NCKAP1L: variants seen among roughly 807,000 people sequenced by gnomAD.
NCKAP1L encodes nck-associated protein 1-like.
Under a neutral mutation model 139.2 loss-of-function variants are expected in NCKAP1L, and 53 were observed. That is an observed-to-expected ratio of 0.38 (90% CI 0.31 to 0.48). The LOEUF is 0.48. NCKAP1L is among the 20% of genes least tolerant of loss of function. The pLI, the probability that NCKAP1L is intolerant of heterozygous loss-of-function variation, is 0.98. For missense variants in NCKAP1L, 1,151 were observed against 1,381.9 expected (o/e 0.83, Z 2.65); for synonymous variants, 468 against 499.7 (o/e 0.94, Z 0.85).
intron 5 of NCKAP1L, among the ~76,000 whole-genome samples, chr12:54,509,290 C>T (rs1956867780): frequency 6.6e-6 from 1 of 152,158 alleles, no homozygotes; most frequent in South Asian, 2.1e-4. Context: ...GATACCTAGA[C>T]ACATGCCTTA....
Position 54,542,908 on chromosome 12 carries a change from A to G in NCKAP1L, c.*223A>G. Reference sequence around the variant, plus strand: ...AGCATGGAGGACAGCTTATGGAAAAAGTTAGGGCGTGGGGCCACATGTGTG... The same window carrying G: ...AGCATGGAGGACAGCTTATGGAAAAGGTTAGGGCGTGGGGCCACATGTGTG... On this transcript the variant is annotated 3_prime_UTR_variant, in exon 31 of 31. Coordinates refer to ENST00000293373, the MANE Select transcript of NCKAP1L (RefSeq NM_005337.5). 2.1e-6 allele frequency: 1 copy of G among 478,140 alleles called. No individual in the cohort carries two copies. The highest frequency in any genetic ancestry group is 3.7e-6 in the Non-Finnish European group (1 of 267,332). The allele number at this position is 478,140 out of a possible 1,614,324, so 29.6% of individuals were successfully genotyped here.
chr12:54,508,011 G>T, intron 4 of NCKAP1L, 102 bp downstream of exon 4: 1 of 1,005,178 alleles, frequency 9.9e-7, no homozygotes. Context: ...GGAAGGGACT[G>T]GAAGGATGGC....
At chr12:54,501,782 C>T (rs1052174056) in intron 3 of NCKAP1L, among the ~76,000 whole-genome samples, 3 of 152,116 alleles carry the variant, frequency 2.0e-5, no homozygotes, top group African/African-American at 7.2e-5. Flanking sequence ...TGGACTGTGC[C>T]GGCCTATTTT....
At position 54,544,040 on chromosome 12, in the gene NCKAP1L, A is replaced by C. The variant is rs1300168541; in HGVS notation, c.*1355A>C. ...ACATGTGTTTGCTTTTTATTTCTTGAGACCCAGGCTTAGTCAATACTTTCT... is the reference window on the plus strand; with the variant it reads ...ACATGTGTTTGCTTTTTATTTCTTGCGACCCAGGCTTAGTCAATACTTTCT... On this transcript the variant is annotated 3_prime_UTR_variant, in exon 31 of 31. Transcript: ENST00000293373. 3 of 152,206 alleles carry C rather than the reference A, an allele frequency of 2.0e-5. No homozygotes were observed. In the East Asian group the frequency reaches 5.8e-4, roughly 29 times the overall value. The allele number at this position is 152,206 out of a possible 1,614,324, so 9.4% of individuals were successfully genotyped here. A position where few individuals can be genotyped will look rare whatever the true frequency, so the allele number is the denominator to read the frequency against.
chr12:54,547,869 C>G lies in NCKAP1L; in HGVS notation c.*5184C>G, dbSNP rs1957211649. 6.6e-6 allele frequency: 1 copy of G among 152,122 alleles called. No homozygotes were observed. Among genetic ancestry groups the G allele is most frequent in the African/African-American group, 2.4e-5 (1 of 41,412 alleles). 9.4% of individuals were successfully genotyped at this position (152,122 alleles called of 1,614,324 possible). On this transcript the variant is annotated 3_prime_UTR_variant, in exon 31 of 31. Transcript: ENST00000293373. ...AGATGCAGCCATTTCTTGGCTGGGT[C>G]TGGGGAAAAGCCAAGGGATGTGTGC...
At chr12:54,508,051 A>G (rs1162427232) in intron 4 of NCKAP1L, 142 bp downstream of exon 4, 19 of 754,024 alleles carry the variant, frequency 2.5e-5, no homozygotes, top group African/African-American at 1.6e-4. Flanking sequence ...CAGGACTACT[A>G]TAATTGTTTT....
In NCKAP1L at chr12:54,517,515, T is replaced by C. The variant is rs183116530; in HGVS notation, c.1096-18T>C. 2 of 1,555,886 alleles carry C rather than the reference T, an allele frequency of 1.3e-6. No homozygotes were observed. The highest frequency in any genetic ancestry group is 2.7e-5 in the African/African-American group (2 of 73,834). The stretch of plus-strand genomic sequence containing the variant: ...TTTTTAAAGTTGAAAATTCTAATAG[T>C]CTCTACCCCCTCCATAGGCTCTTTT... On this transcript the variant is annotated intron_variant, in intron 11 of 30. Coordinates refer to ENST00000293373, the MANE Select transcript of NCKAP1L (RefSeq NM_005337.5).
rs1957173950 is a variant in NCKAP1L at position 54,543,177 on chromosome 12, T to C, written c.*492T>C. On this transcript the variant is annotated 3_prime_UTR_variant, in exon 31 of 31. Coordinates refer to ENST00000293373, the MANE Select transcript of NCKAP1L (RefSeq NM_005337.5). ...ATCTTCTCTCTTCCTTTTTCAAATG[T>C]GTTCAGCAAACATTCAACCTGCTCC... 1 of 152,574 alleles carries C rather than the reference T, an allele frequency of 6.6e-6. No homozygotes were observed. The highest frequency in any genetic ancestry group is 2.4e-5 in the African/African-American group (1 of 41,478). 9.5% of individuals were successfully genotyped at this position (152,574 alleles called of 1,614,324 possible). A position where few individuals can be genotyped will look rare whatever the true frequency, so the allele number is the denominator to read the frequency against.
intron 29 of NCKAP1L, 129 bp downstream of exon 29, chr12:54,537,182 A>G: frequency 1.7e-6 from 1 of 583,074 alleles, no homozygotes; most frequent in Non-Finnish European, 3.0e-6. Flanking sequence ...TTCAGTAAAG[A>G]GTGAGAAGCT....
intron 16 of NCKAP1L, 144 bp downstream of exon 16, chr12:54,519,476 C>T: frequency 1.6e-6 from 1 of 634,108 alleles, no homozygotes; most frequent in Non-Finnish European, 2.3e-6. Context: ...ACTATGTTGC[C>T]CAGGCTGGTC....
intron 9 of NCKAP1L, among the ~76,000 whole-genome samples, chr12:54,515,823 G>A (rs1956925634): frequency 6.6e-6 from 1 of 152,170 alleles, no homozygotes; most frequent in South Asian, 2.1e-4. Flanking sequence ...GGTAGAGATT[G>A]AGTAACTACT....
Position 54,545,696 on chromosome 12 carries a change from A to G in NCKAP1L, c.*3011A>G, listed in dbSNP as rs1592357264. The G allele has an allele frequency of 6.6e-6, 1 of 152,364 alleles. No individual in the cohort carries two copies. The highest frequency in any genetic ancestry group is 1.9e-4 in the East Asian group (1 of 5,196). The allele number at this position is 152,364 out of a possible 1,614,324, so 9.4% of individuals were successfully genotyped here. On this transcript the variant is annotated 3_prime_UTR_variant, in exon 31 of 31. Transcript: ENST00000293373. ...AAAGGAACTAAAGAATGGATATCAG[A>G]AATCTCACCCCAATTGTTTTGTCTT...
intron 3 of NCKAP1L, among the ~76,000 whole-genome samples, chr12:54,502,378 A>T (rs1238751346): frequency 6.6e-6 from 1 of 152,178 alleles, no homozygotes; most frequent in African/African-American, 2.4e-5. Context: ...GAGCTTTAAA[A>T]ATTTCAAGTA....
At position 54,507,887 on chromosome 12, in the gene NCKAP1L, C is replaced by T. The variant is rs759680399; in HGVS notation, c.341C>T (p.Ala114Val). Residue 114 changes from alanine to valine, a missense_variant, in exon 4 of 31, where the codon GCC (alanine) becomes GTC (valine). Physicochemically the swap from Ala to Val is moderately conservative, Grantham distance 64. Coordinates refer to ENST00000293373, the MANE Select transcript of NCKAP1L (RefSeq NM_005337.5). ...HVYELLNTID[A>V]CQCHFDINLN... is the part of the protein sequence containing the mutation. ...TATGAACTTCTCAACACCATTGATG[C>T]CTGCCAGTGCCATTTTGATATCGTA... The T allele has an allele frequency of 6.2e-7, 1 of 1,614,028 alleles. No homozygotes were observed.
chr12:54,518,648 T>C lies in NCKAP1L; in HGVS notation c.1339-3T>C, dbSNP rs753461350. On this transcript the variant is annotated splice_region_variant and splice_polypyrimidine_tract_variant and intron_variant, in intron 13 of 30. Coordinates refer to ENST00000293373, the MANE Select transcript of NCKAP1L (RefSeq NM_005337.5). ...TTGACAGTAACTGCAGCTCCTTTTT[T>C]AGAACTTGTCTGTGTGTCCAGAGGA... The C allele has an allele frequency of 1.2e-6, 2 of 1,613,872 alleles. No homozygotes were observed. Among genetic ancestry groups the C allele is most frequent in the South Asian group, 2.2e-5 (2 of 91,076 alleles).
Position 54,521,723 on chromosome 12 carries a change from C to T in NCKAP1L, c.1878+485C>T, listed in dbSNP as rs1474196685. ...TTTCTTCTTATTTTTCCCCTCTCCT[C>T]CCTTGACTGACTCTTAGCACCTCGT... On this transcript the variant is annotated intron_variant, in intron 18 of 30. Coordinates refer to ENST00000293373, the MANE Select transcript of NCKAP1L (RefSeq NM_005337.5). Among the ~76,000 whole-genome samples the T allele has an allele frequency of 2.0e-5, 3 of 152,232 alleles. No homozygotes were observed. The East Asian group carries it at 5.8e-4, about 29-fold the overall frequency.
At chr12:54,525,823 G>A (rs1240860622) in intron 20 of NCKAP1L, among the ~76,000 whole-genome samples, 2 of 152,012 alleles carry the variant, frequency 1.3e-5, no homozygotes, top group African/African-American at 4.8e-5. Context: ...TTTTAACAAG[G>A]AAAAAAGTCC....
rs1221882882 is a variant in NCKAP1L, at chr12:54,537,018, A to G, written c.3148A>G (p.Lys1050Glu). 6.2e-7 allele frequency: 1 copy of G among 1,613,434 alleles called. No homozygotes were observed. The change falls in exon 29 of 31, where the codon AAG becomes GAG. Residue 1050 changes from lysine to glutamate, a missense_variant. By Grantham distance (56) the Lys-to-Glu change is moderately conservative. Transcript: ENST00000293373. Reference protein sequence around the residue: ...VSAALFTLYNKNIETHLKEFL... With the variant: ...VSAALFTLYNENIETHLKEFL... Reference sequence around the variant, plus strand: ...TGCTGCCCTCTTCACGCTCTACAACAAGAACATTGAAACTCACCTCAAGGA... The same window carrying G: ...TGCTGCCCTCTTCACGCTCTACAACGAGAACATTGAAACTCACCTCAAGGA...
chr12:54,511,299 G>T (rs1956888490), intron 7 of NCKAP1L, among the ~76,000 whole-genome samples: 1 of 152,132 alleles, frequency 6.6e-6, no homozygotes, highest in Non-Finnish European at 1.5e-5. Flanking sequence ...CAACTGTATT[G>T]TTTTTCCCTT....
Sources: allele counts gnomAD v4.1 joint callset (sites outside exome capture counted in the v4.1 genomes callset), GRCh38; gene constraint gnomAD v4.1.1; transcripts MANE v1.5; gene names NCBI Gene and HGNC (gene_info 2026-07-23, HGNC 2026-07-21).